TMEM267: variants seen among roughly 807,000 people sequenced by gnomAD.
The protein encoded by TMEM267 is transmembrane protein C5orf28.
TMEM267 carries 20 observed loss-of-function variants against 19.3 expected under a neutral mutation model. The observed-to-expected ratio is 1.04, with a 90% CI of 0.73 to 1.51. TMEM267 has a LOEUF of 1.51. Ranked by LOEUF, TMEM267 falls within the 40% of genes most tolerant of loss-of-function variation. The pLI, the probability that TMEM267 is intolerant of heterozygous loss-of-function variation, is 0.00. For missense variants in TMEM267, 242 were observed against 261.9 expected (o/e 0.92, Z 0.52); for synonymous variants, 88 against 90.3 (o/e 0.97, Z 0.15).
chr5:43,448,132 A>G (rs1368556497), intron 2 of TMEM267, among the ~76,000 whole-genome samples: 1 of 152,192 alleles, frequency 6.6e-6, no homozygotes, highest in Non-Finnish European at 1.5e-5. Context: ...ACCCTTGAAC[A>G]AGGAATCCTA....
chr5:43,470,251 T>C (rs1472718310), intron 1 of TMEM267, among the ~76,000 whole-genome samples: 1 of 152,218 alleles, frequency 6.6e-6, no homozygotes, highest in East Asian at 1.9e-4. Flanking sequence ...CAAGTGATTC[T>C]TGTGCCTCAG....
intron 1 of TMEM267, among the ~76,000 whole-genome samples, chr5:43,464,155 C>T (rs971577019): frequency 4.8e-4 from 73 of 152,086 alleles, no homozygotes; most frequent in African/African-American, 1.7e-3. Flanking sequence ...TTCTTATACA[C>T]CAATAACAGA....
chr5:43,447,632 TACACAAAATCTCAA>T (rs1742335040), intron 2 of TMEM267, among the ~76,000 whole-genome samples: 1 of 152,140 alleles, frequency 6.6e-6, no homozygotes, highest in Non-Finnish European at 1.5e-5. Context: ...CAAATAAAAC[TACACAAAATCTCAA>T]ACCCTCAGCA....
chr5:43,444,888 A>G lies in TMEM267; in HGVS notation c.*1334T>C, dbSNP rs1177916173. On this transcript the variant is annotated 3_prime_UTR_variant, in exon 3 of 3. Transcript: ENST00000397080. The stretch of plus-strand genomic sequence containing the variant: ...AACCAATTTGTTAACAACAAGAAAA[A>G]AAACTCCCCTAAAGAGCTTGAACCT... 6.6e-6 allele frequency: 1 copy of G among 152,148 alleles called. No individual in the cohort carries two copies. The highest frequency in any genetic ancestry group is 1.5e-5 in the Non-Finnish European group (1 of 68,038). The allele number at this position is 152,148 out of a possible 1,614,324, so 9.4% of individuals were successfully genotyped here. A position where few individuals can be genotyped will look rare whatever the true frequency, so the allele number is the denominator to read the frequency against.
At chr5:43,470,019 T>C (rs557927458) in intron 1 of TMEM267, among the ~76,000 whole-genome samples, 2 of 152,356 alleles carry the variant, frequency 1.3e-5, no homozygotes, top group South Asian at 4.1e-4. Flanking sequence ...AAATTGTGTA[T>C]TCATTAAAAG....
At position 43,445,028 on chromosome 5, in the gene TMEM267, A is replaced by C. The variant is rs1395356486; in HGVS notation, c.*1194T>G. 1 of 152,206 alleles carries C rather than the reference A, an allele frequency of 6.6e-6. No individual in the cohort carries two copies. Among genetic ancestry groups the C allele is most frequent in the Non-Finnish European group, 1.5e-5 (1 of 68,030 alleles). 9.4% of individuals were successfully genotyped at this position (152,206 alleles called of 1,614,324 possible). On this transcript the variant is annotated 3_prime_UTR_variant, in exon 3 of 3. Coordinates refer to ENST00000397080, the MANE Select transcript of TMEM267 (RefSeq NM_022483.5). The stretch of plus-strand genomic sequence containing the variant: ...TCAGAGAATAAGGCACCAATCACTA[A>C]CATTATAAATCACAAAAGTGTAAGA...
intron 1 of TMEM267, among the ~76,000 whole-genome samples, chr5:43,465,123 A>C (rs1481834020): frequency 6.6e-6 from 1 of 152,214 alleles, no homozygotes; most frequent in African/African-American, 2.4e-5. Flanking sequence ...AAAAACAAAC[A>C]ACCCCATCCA....
intron 2 of TMEM267, among the ~76,000 whole-genome samples, chr5:43,452,852 G>A (rs1333045553): frequency 6.6e-6 from 1 of 152,182 alleles, no homozygotes; most frequent in African/African-American, 2.4e-5. Context: ...AATATTTCCT[G>A]AATATCTACT....
intron 1 of TMEM267, among the ~76,000 whole-genome samples, chr5:43,476,954 G>A (rs922062604): frequency 1.7e-4 from 26 of 151,334 alleles, no homozygotes; most frequent in Non-Finnish European, 3.4e-4. Flanking sequence ...CACTTTGGGA[G>A]GCCAAGGCAG....
At chr5:43,454,459 T>C (rs1742823119) in intron 1 of TMEM267, 1 of 152,626 alleles carries the variant, frequency 6.6e-6, no homozygotes, top group Non-Finnish European at 1.5e-5. Flanking sequence ...GCTCACCAAT[T>C]AGAGTTTTCC....
intron 1 of TMEM267, among the ~76,000 whole-genome samples, chr5:43,478,457 G>A (rs577687444): frequency 1.8e-4 from 28 of 152,234 alleles, no homozygotes; most frequent in African/African-American, 6.5e-4. Flanking sequence ...CAGCTAACTA[G>A]AGGAGCCCAA....
chr5:43,467,967 A>G (rs1422076977), intron 1 of TMEM267, among the ~76,000 whole-genome samples: 1 of 151,948 alleles, frequency 6.6e-6, no homozygotes, highest in Non-Finnish European at 1.5e-5. Flanking sequence ...CTTCTTATTG[A>G]TTTGTTGTAC....
intron 1 of TMEM267, among the ~76,000 whole-genome samples, chr5:43,464,112 G>T (rs957721082): frequency 7.9e-5 from 12 of 152,066 alleles, no homozygotes; most frequent in African/African-American, 2.9e-4. Context: ...CAAAGTCTCA[G>T]GATACAAAAT....
rs554997806 is a variant in TMEM267 at position 43,481,779 on chromosome 5, G to A, written c.-75+2043C>T. Among the ~76,000 whole-genome samples, 107 of 152,100 alleles carry A rather than the reference G, an allele frequency of 7.0e-4. 1 individual carries two copies. Among genetic ancestry groups the A allele is most frequent in the African/African-American group, 2.6e-3 (106 of 41,524 alleles). Reference sequence around the variant, plus strand: ...TGACTGCAACTTCATGAGACCCTGGGCCAGAACCGCCAGCTAAGTCTTGAC... The same window carrying A: ...TGACTGCAACTTCATGAGACCCTGGACCAGAACCGCCAGCTAAGTCTTGAC... On this transcript the variant is annotated intron_variant, in intron 1 of 2. Transcript: ENST00000397080.
rs564930224 is a variant in TMEM267, at chr5:43,465,353, A to T, written c.-74-11310T>A. Among the ~76,000 whole-genome samples, 1,212 of 152,348 alleles carry T rather than the reference A, an allele frequency of 8.0e-3. 20 individuals carry two copies. Among genetic ancestry groups the T allele is most frequent in the African/African-American group, 0.028 (1,173 of 41,576 alleles). The stretch of plus-strand genomic sequence containing the variant: ...GATGTGGAGAAATAGGGACACTTTT[A>T]CACTGTTGGTGGGACTGTAAACTAG... On this transcript the variant is annotated intron_variant, in intron 1 of 2. Coordinates refer to ENST00000397080, the MANE Select transcript of TMEM267 (RefSeq NM_022483.5).
chr5:43,477,175 G>A (rs886786682), intron 1 of TMEM267, among the ~76,000 whole-genome samples: 13 of 152,070 alleles, frequency 8.5e-5, no homozygotes, highest in African/African-American at 3.1e-4. Flanking sequence ...CTAAATGACA[G>A]GGTAAGACCC....
chr5:43,484,185 C>G (rs1195799269), upstream of TMEM267: 1 of 152,274 alleles, frequency 6.6e-6, no homozygotes, highest in Non-Finnish European at 1.5e-5. Flanking sequence ...ATCCCCACGA[C>G]GCACCCAAGT....
chr5:43,469,826 G>C (rs756220780), intron 1 of TMEM267, among the ~76,000 whole-genome samples: 34 of 152,188 alleles, frequency 2.2e-4, no homozygotes, highest in Non-Finnish European at 4.3e-4. Flanking sequence ...GAAATTCCTT[G>C]CGGATCTCAA....
In TMEM267 at chr5:43,445,958, TA is replaced by T. The variant is rs887763632; in HGVS notation, c.*263del. 2 of 199,082 alleles carry T rather than the reference TA, an allele frequency of 1.0e-5. No individual in the cohort carries two copies. The highest frequency in any genetic ancestry group is 4.6e-5 in the African/African-American group (2 of 43,222). The allele number at this position is 199,082 out of a possible 1,614,324, so 12.3% of individuals were successfully genotyped here. On this transcript the variant is annotated 3_prime_UTR_variant, in exon 3 of 3. Coordinates refer to ENST00000397080, the MANE Select transcript of TMEM267 (RefSeq NM_022483.5). ...TAAAAGAACTACTAGTAAAGCCAGA[TA>T]AATAGAAAAAAACAGTAAAAATATA...
Sources: allele counts gnomAD v4.1 joint callset (sites outside exome capture counted in the v4.1 genomes callset), GRCh38; gene constraint gnomAD v4.1.1; transcripts MANE v1.5; gene names NCBI Gene and HGNC (gene_info 2026-07-23, HGNC 2026-07-21).